The following CERS3 variants were observed in gnomAD, a reference collection of about 807,000 sequenced individuals.
The protein encoded by CERS3 is LAG1 homolog, ceramide synthase 3.
CERS3 carries 33 observed loss-of-function variants against 50.3 expected under a neutral mutation model. The ratio of observed to expected loss-of-function variants is 0.66; its 90% CI spans 0.50 to 0.88. CERS3 has a LOEUF of 0.88. Among genes scored for constraint, CERS3 ranks in the 40% least tolerant of loss-of-function variants. The probability of loss-of-function intolerance (pLI) is 0.00; values close to 1 mark genes in which losing one functional copy is unlikely to be tolerated. For synonymous variants in CERS3, 176 were observed against 155.2 expected (o/e 1.13, Z -0.99); for missense variants, 470 against 460.3 (o/e 1.02, Z -0.19).
intron 2 of CERS3, among the ~76,000 whole-genome samples, chr15:100,507,876 C>G (rs936109247): frequency 6.6e-6 from 1 of 152,270 alleles, no homozygotes; most frequent in Non-Finnish European, 1.5e-5. Flanking sequence ...GTCGCGGTCT[C>G]TCAGCTTCTT....
intron 7 of CERS3, among the ~76,000 whole-genome samples, chr15:100,477,232 G>A (rs888198073): frequency 6.6e-6 from 1 of 152,222 alleles, no homozygotes; most frequent in Non-Finnish European, 1.5e-5. Flanking sequence ...ATATGAGTAA[G>A]TTGGAGACAG....
rs1158193821 is a variant in CERS3 at position 100,483,775 on chromosome 15, A to ATTTT, written c.407+774_407+775insAAAA. The stretch of plus-strand genomic sequence containing the variant: ...GGCAGAAGGATCAATAATAATAATA[A>ATTTT]TTATTATTATTATTTTTTTTTTTGA... On this transcript the variant is annotated intron_variant, in intron 5 of 11. Transcript: ENST00000679737. Among the ~76,000 whole-genome samples, 11 of 18,186 alleles carry ATTTT rather than the reference A, an allele frequency of 6.0e-4. No individual in the cohort carries two copies. In the East Asian group the frequency reaches 8.8e-3, roughly 14 times the overall value. The allele number at this position is 18,186 out of a possible 152,430, so 11.9% of individuals were successfully genotyped here.
At chr15:100,543,905 A>C (rs2037266672) in intron 1 of CERS3, among the ~76,000 whole-genome samples, 1 of 152,144 alleles carries the variant, frequency 6.6e-6, no homozygotes, top group African/African-American at 2.4e-5. Context: ...TTTGAATTTG[A>C]GAATAAGTAA....
At chr15:100,543,733 T>C (rs1446125988) in intron 1 of CERS3, among the ~76,000 whole-genome samples, 1 of 152,092 alleles carries the variant, frequency 6.6e-6, no homozygotes, top group Non-Finnish European at 1.5e-5. Flanking sequence ...TTTCACCATG[T>C]TGGCCAGGCT....
intron 10 of CERS3, among the ~76,000 whole-genome samples, chr15:100,467,819 ATGTG>A: frequency 1.4e-4 from 11 of 81,004 alleles, no homozygotes; most frequent in Middle Eastern, 6.3e-3. Flanking sequence ...GTCTATATAT[ATGTG>A]TATATATATA....
rs1479960374 is a variant in CERS3 at position 100,420,627 on chromosome 15, A to C, written c.1000-17762T>G. Among the ~76,000 whole-genome samples, 800 of 151,586 alleles carry C rather than the reference A, an allele frequency of 5.3e-3. 7 individuals carry two copies. Among genetic ancestry groups the C allele is most frequent in the African/African-American group, 0.018 (763 of 41,262 alleles). On this transcript the variant is annotated intron_variant, in intron 11 of 11. Transcript: ENST00000679737. The stretch of plus-strand genomic sequence containing the variant: ...TACCAAAGCCAGGCAGAGACACAAC[A>C]AAAAAAGAGAATTTTAGACCAATAT...
chr15:100,425,304 G>A (rs994123008), intron 11 of CERS3, among the ~76,000 whole-genome samples: 5 of 152,160 alleles, frequency 3.3e-5, no homozygotes, highest in South Asian at 2.1e-4. Flanking sequence ...CTATGCACCC[G>A]GAAAAGCCAC....
At chr15:100,408,463 T>C (rs1370322543) in intron 11 of CERS3, 1 of 152,226 alleles carries the variant, frequency 6.6e-6, no homozygotes, top group Non-Finnish European at 1.5e-5. Context: ...ATTTCACACA[T>C]GAAATGCATA....
intron 11 of CERS3, among the ~76,000 whole-genome samples, chr15:100,416,310 A>C (rs8042778): frequency 0.67 from 102,072 of 151,970 alleles, 34,785 homozygotes; most frequent in Admixed American, 0.76. Flanking sequence ...AACAGATTAA[A>C]GAGCCAGAAA....
intron 11 of CERS3, among the ~76,000 whole-genome samples, chr15:100,445,704 C>A (rs923364889): frequency 6.6e-6 from 1 of 152,166 alleles, no homozygotes; most frequent in African/African-American, 2.4e-5. Context: ...AGAAACATCG[C>A]CCATTATATC....
In CERS3 at chr15:100,470,929, A is replaced by G. The variant is rs926694489; in HGVS notation, c.739-1445T>C. Among the ~76,000 whole-genome samples the G allele has an allele frequency of 2.6e-5, 4 of 152,246 alleles. No homozygotes were observed. In the East Asian group the frequency reaches 7.7e-4, roughly 29 times the overall value. ...GAATAGGCACCATCTCAAAGAAGCC[A>G]GGTGCAAAAGTTGTGCCATGTCTGG... On this transcript the variant is annotated intron_variant, in intron 9 of 11. Transcript: ENST00000679737.
intron 2 of CERS3, among the ~76,000 whole-genome samples, chr15:100,503,352 T>C (rs1302806265): frequency 6.6e-6 from 1 of 152,174 alleles, no homozygotes; most frequent in East Asian, 1.9e-4. Context: ...TTCCTTCCTT[T>C]CAGAAGTATT....
intron 7 of CERS3, 122 bp downstream of exon 7, chr15:100,479,306 A>G: frequency 1.5e-6 from 1 of 648,868 alleles, no homozygotes; most frequent in Non-Finnish European, 2.6e-6. Context: ...TCAAGTAGAA[A>G]AAGTGCCAGG....
At position 100,490,929 on chromosome 15, in the gene CERS3, A is replaced by G; in HGVS notation, c.176T>C (p.Phe59Ser). 3.8e-6 allele frequency: 6 copies of G among 1,567,698 alleles called. No individual in the cohort carries two copies. Among genetic ancestry groups the G allele is most frequent in the Middle Eastern group, 1.7e-4 (1 of 5,916 alleles). Residue 59 changes from phenylalanine (F) to serine (S), a missense_variant and splice_region_variant, in exon 4 of 12, where the codon TTT (phenylalanine) becomes TCT (serine). Coordinates refer to ENST00000679737, the MANE Select transcript of CERS3 (RefSeq NM_001378789.1). ...LLIIRRVFEK[F>S]VASPLAKSFG... ...TGATTTTGCTAGAGGTGAAGCAACA[A>G]ATCTACAAAAATATGAAAAGAAAAA... is the stretch of plus-strand genomic sequence containing the variant.
chr15:100,439,202 A>G (rs777043261), intron 11 of CERS3, among the ~76,000 whole-genome samples: 9 of 152,234 alleles, frequency 5.9e-5, no homozygotes, highest in Non-Finnish European at 1.2e-4. Context: ...GCAAAAGCAA[A>G]TAGTGGAAGG....
chr15:100,526,374 G>A (rs1489245461), intron 1 of CERS3, among the ~76,000 whole-genome samples: 2 of 152,116 alleles, frequency 1.3e-5, no homozygotes, highest in African/African-American at 2.4e-5. Context: ...GTGAGCGGAG[G>A]GAGCTCCCTT....
intron 11 of CERS3, among the ~76,000 whole-genome samples, chr15:100,455,600 A>G (rs1222427183): frequency 2.0e-5 from 3 of 152,112 alleles, no homozygotes; most frequent in Non-Finnish European, 4.4e-5. Context: ...AAAGTTTAAA[A>G]ATTTTCTTCA....
chr15:100,404,027 G>A (rs1278950516), intron 11 of CERS3, among the ~76,000 whole-genome samples: 2 of 152,266 alleles, frequency 1.3e-5, no homozygotes, highest in South Asian at 4.1e-4. Flanking sequence ...GCAGAGGAAG[G>A]GCCAACACAC....
chr15:100,448,506 G>A (rs1487194369), intron 11 of CERS3, among the ~76,000 whole-genome samples: 1 of 152,178 alleles, frequency 6.6e-6, no homozygotes, highest in Non-Finnish European at 1.5e-5. Context: ...GACTAACATA[G>A]AGAGCTGCCT....
Sources: allele counts gnomAD v4.1 joint callset (sites outside exome capture counted in the v4.1 genomes callset), GRCh38; gene constraint gnomAD v4.1.1; transcripts MANE v1.5; gene names NCBI Gene and HGNC (gene_info 2026-07-23, HGNC 2026-07-21).